Variants in CUX2 observed in about 807,000 individuals in gnomAD.
CUX2 encodes homeobox protein cut-like 2.
Under a neutral mutation model 144.8 loss-of-function variants are expected in CUX2, and 40 were observed. That is an observed-to-expected ratio of 0.28 (90% CI 0.21 to 0.36). The LOEUF (loss-of-function observed/expected upper bound fraction) is 0.36. Among genes scored for constraint, CUX2 ranks in the 10% least tolerant of loss-of-function variants. The pLI is 1.00. For missense variants in CUX2, 1,615 were observed against 1,994.0 expected, an observed-to-expected ratio of 0.81 and a Z score of 3.62; for synonymous variants, 827 against 875.6, an observed-to-expected ratio of 0.94 and a Z score of 0.98.
In CUX2 at chr12:111,039,797, G is replaced by T. The variant is rs1031469003; in HGVS notation, c.63+5557G>T. Among the ~76,000 whole-genome samples, 2 of 152,168 alleles carry T rather than the reference G, an allele frequency of 1.3e-5. No individual in the cohort carries two copies. Among genetic ancestry groups the T allele is most frequent in the African/African-American group, 4.8e-5 (2 of 41,432 alleles). On this transcript the variant is annotated intron_variant, in intron 1 of 21. Coordinates refer to ENST00000261726, the MANE Select transcript of CUX2 (RefSeq NM_015267.4). The surrounding 1 kb of genome is among the most constrained non-coding windows in gnomAD (Gnocchi z 4.2). The stretch of plus-strand genomic sequence containing the variant: ...TCCACCAGCCTCGGCCTCTTAAAGT[G>T]CTGGGATTACAAGTGTGATGACCTT...
chr12:111,204,702 G>A (rs1278154185), intron 1 of CUX2, among the ~76,000 whole-genome samples: 6 of 152,198 alleles, frequency 3.9e-5, no homozygotes, highest in Admixed American at 3.9e-4. Flanking sequence ...TCCCTCAACA[G>A]ATGTTTCTAG....
At chr12:111,143,240 G>A (rs1451829803) in intron 1 of CUX2, among the ~76,000 whole-genome samples, 1 of 152,218 alleles carries the variant, frequency 6.6e-6, no homozygotes, top group Non-Finnish European at 1.5e-5. Flanking sequence ...CCAAGGAGCT[G>A]CACTGGATGA....
In CUX2 at chr12:111,220,743, C is replaced by CAAAAAAA. The variant is rs549438290; in HGVS notation, c.222+2837_222+2843dup. ...GCAATATAATGAGACCTCATCTCTG[C>CAAAAAAA]AAAAAAAAAAAAAAAAAAAAAAAAA... On this transcript the variant is annotated intron_variant, in intron 3 of 21. Coordinates refer to ENST00000261726, the MANE Select transcript of CUX2 (RefSeq NM_015267.4). Among the ~76,000 whole-genome samples, 23 of 39,128 alleles carry CAAAAAAA rather than the reference C, an allele frequency of 5.9e-4. 2 individuals carry two copies. In the East Asian group the frequency reaches 5.9e-3, roughly 10 times the overall value. The allele number at this position is 39,128 out of a possible 152,430, so 25.7% of individuals were successfully genotyped here. A position where few individuals can be genotyped will look rare whatever the true frequency, so the allele number is the denominator to read the frequency against.
intron 1 of CUX2, among the ~76,000 whole-genome samples, chr12:111,050,217 C>G (rs908064705): frequency 7.9e-5 from 12 of 151,870 alleles, no homozygotes; most frequent in African/African-American, 2.9e-4. Context: ...CCTCCTACCT[C>G]TTGCCGCCAC....
At chr12:111,179,740 G>C (rs774808233) in intron 1 of CUX2, among the ~76,000 whole-genome samples, 1 of 151,792 alleles carries the variant, frequency 6.6e-6, no homozygotes, top group East Asian at 1.9e-4. Context: ...GCAGTGGTGC[G>C]ATCTCAGCTC....
intron 1 of CUX2, among the ~76,000 whole-genome samples, chr12:111,085,091 G>GA (rs1313369495): frequency 2.0e-5 from 3 of 151,104 alleles, no homozygotes; most frequent in East Asian, 1.9e-4. Flanking sequence ...AGGTGGCAAA[G>GA]AAAAAAAAAT....
intron 1 of CUX2, among the ~76,000 whole-genome samples, chr12:111,080,938 C>T (rs190825039): frequency 8.7e-4 from 133 of 152,270 alleles, no homozygotes; most frequent in African/African-American, 3.0e-3. Flanking sequence ...AAAGTGGAGA[C>T]GCTGCTGATA....
intron 1 of CUX2, among the ~76,000 whole-genome samples, chr12:111,169,512 G>A (rs532482332): frequency 2.0e-5 from 3 of 152,284 alleles, no homozygotes; most frequent in East Asian, 1.9e-4. Flanking sequence ...ATAGCCAATC[G>A]GATCAGGGAC....
At chr12:111,149,556 C>T (rs1876908533) in intron 1 of CUX2, among the ~76,000 whole-genome samples, 1 of 152,104 alleles carries the variant, frequency 6.6e-6, no homozygotes, top group Non-Finnish European at 1.5e-5. Flanking sequence ...CCAGATGTTA[C>T]CAAATGTCCC....
At chr12:111,067,447 T>G (rs1460923562) in intron 1 of CUX2, among the ~76,000 whole-genome samples, 1 of 152,202 alleles carries the variant, frequency 6.6e-6, no homozygotes, top group Non-Finnish European at 1.5e-5. Flanking sequence ...AGGGAGAGGC[T>G]AAGAGACAGA....
chr12:111,261,494 C>T (rs1884127110), intron 3 of CUX2, among the ~76,000 whole-genome samples: 1 of 150,634 alleles, frequency 6.6e-6, no homozygotes, highest in African/African-American at 2.4e-5. Flanking sequence ...GGGTCTCATT[C>T]TATTGCCCAG....
chr12:111,340,596 G>GA lies in CUX2; in HGVS notation c.3386-1180dup, dbSNP rs1888535319. Reference sequence around the variant, plus strand: ...AAGACTTTCCTCCCCATTTAATTAGGAAAATAGTAACTTCTCTTAGAAGCA... The same window carrying GA: ...AAGACTTTCCTCCCCATTTAATTAGGAAAAATAGTAACTTCTCTTAGAAGCA... On this transcript the variant is annotated intron_variant, in intron 20 of 21. Coordinates refer to ENST00000261726, the MANE Select transcript of CUX2 (RefSeq NM_015267.4). Among the ~76,000 whole-genome samples, 4 of 152,134 alleles carry GA rather than the reference G, an allele frequency of 2.6e-5. 1 individual carries two copies. The highest frequency in any genetic ancestry group is 2.6e-4 in the Admixed American group (4 of 15,268).
At chr12:111,045,107 C>T (rs1353134250) in intron 1 of CUX2, among the ~76,000 whole-genome samples, 1 of 152,276 alleles carries the variant, frequency 6.6e-6, no homozygotes, top group African/African-American at 2.4e-5. Context: ...TCCTCGGACC[C>T]GGCTGACATT....
chr12:111,199,882 G>A (rs59528391), intron 1 of CUX2, among the ~76,000 whole-genome samples: 9 of 151,978 alleles, frequency 5.9e-5, no homozygotes, highest in South Asian at 2.1e-4. Context: ...TTTATGTCTC[G>A]TGTGTCTGTG....
chr12:111,267,694 T>C (rs550158856), intron 4 of CUX2, among the ~76,000 whole-genome samples: 1 of 152,188 alleles, frequency 6.6e-6, no homozygotes, highest in Non-Finnish European at 1.5e-5. Context: ...CTCTGAAGGC[T>C]CAGGGGAGGA....
chr12:111,226,588 G>T (rs1433230882), intron 3 of CUX2, among the ~76,000 whole-genome samples: 1 of 152,104 alleles, frequency 6.6e-6, no homozygotes, highest in East Asian at 1.9e-4. Context: ...ATCATCTAAA[G>T]AACGATATTG....
At chr12:111,062,168 G>C (rs1364035555) in intron 1 of CUX2, among the ~76,000 whole-genome samples, 2 of 152,198 alleles carry the variant, frequency 1.3e-5, no homozygotes, top group African/African-American at 4.8e-5. Context: ...ATGAATGTGG[G>C]TGGCACCTTC....
At chr12:111,094,557 G>C (rs1566215022) in intron 1 of CUX2, among the ~76,000 whole-genome samples, 1 of 152,144 alleles carries the variant, frequency 6.6e-6, no homozygotes, top group East Asian at 1.9e-4. Context: ...AAGAGCAGTG[G>C]TGCAGTCCCA....
At chr12:111,105,794 CTTAA>C (rs1235230406) in intron 1 of CUX2, among the ~76,000 whole-genome samples, 2 of 151,742 alleles carry the variant, frequency 1.3e-5, no homozygotes, top group Non-Finnish European at 2.9e-5. Flanking sequence ...TGTTCAGAGA[CTTAA>C]TTGAGAATTT....
Sources: gnomAD v4.1 joint callset for allele counts (sites outside exome capture counted in the v4.1 genomes callset) on GRCh38, gnomAD v4.1.1 for gene constraint, Gnocchi (gnomAD v3.1) non-coding constraint, MANE v1.5 for transcripts, NCBI Gene and HGNC (gene_info 2026-07-23, HGNC 2026-07-21) for gene names.